MEGF6: variants seen among roughly 807,000 people sequenced by gnomAD.
MEGF6 encodes the protein multiple epidermal growth factor-like domains protein 6.
In MEGF6, 184 loss-of-function variants were observed where a neutral mutation model predicts 207.1. The observed-to-expected ratio is 0.89, with a 90% CI of 0.79 to 1.00. The LOEUF (loss-of-function observed/expected upper bound fraction) is 1.00, where lower values mean the gene tolerates loss of function less well. Ranked by LOEUF, MEGF6 falls within the 50% of genes least tolerant of loss-of-function variation. The pLI is 0.00. For synonymous variants in MEGF6, 1,038 were observed against 910.0 expected, an observed-to-expected ratio of 1.14 and a Z score of -2.53; for missense variants, 2,282 against 2,202.9, an observed-to-expected ratio of 1.04 and a Z score of -0.72.
At chr1:3,557,187 C>T (rs557458728) in intron 4 of MEGF6, among the ~76,000 whole-genome samples, 37 of 152,292 alleles carry the variant, frequency 2.4e-4, no homozygotes, top group African/African-American at 8.7e-4. Flanking sequence ...AGGGACCAGC[C>T]CTGACAAGAC....
Position 3,499,584 on chromosome 1 carries a change from G to C in MEGF6, c.2965+4C>G, listed in dbSNP as rs780283453. 2 of 1,574,434 alleles carry C rather than the reference G, an allele frequency of 1.3e-6. No homozygotes were observed. The highest frequency in any genetic ancestry group is 1.7e-6 in the Non-Finnish European group (2 of 1,162,000). ...ACCCCGGGCTGAGCAGGGACCTCAC[G>C]CACTCTCGGCACAGCGGGGGCCCCG... On this transcript the variant is annotated splice_donor_region_variant and intron_variant, in intron 23 of 36. Coordinates refer to ENST00000356575, the MANE Select transcript of MEGF6 (RefSeq NM_001409.4).
chr1:3,491,033 G>C, intron 35 of MEGF6, 74 bp from the exon 36 acceptor site: 1 of 1,399,626 alleles, frequency 7.1e-7, no homozygotes, highest in Non-Finnish European at 9.5e-7. Context: ...AGCAAGGCGT[G>C]ACCCCATCCA....
Position 3,501,900 on chromosome 1 carries a change from C to T in MEGF6, c.2210G>A (p.Gly737Asp), listed in dbSNP as rs771423924. 1 of 1,610,204 alleles carries T rather than the reference C, an allele frequency of 6.2e-7. No individual in the cohort carries two copies. Among genetic ancestry groups the T allele is most frequent in the Admixed American group, 1.7e-5 (1 of 59,414 alleles). ...GGAGCAGGAGCTCGAGCAGTTCACG[C>T]CAAACGTCCCCACCGGGCACTCTGC... ...CGQECPVGTF[G>D]VNCSSSCSCG... Residue 737 changes from glycine to aspartate, a missense_variant, in exon 18 of 37, where the codon GGC becomes GAC. Physicochemically the swap from Gly to Asp is moderately conservative, Grantham distance 94. Transcript: ENST00000356575.
chr1:3,500,504 C>A, intron 21 of MEGF6, 129 bp downstream of exon 21: 1 of 1,348,648 alleles, frequency 7.4e-7, no homozygotes, highest in Non-Finnish European at 9.8e-7. Context: ...GGAGGGGGCG[C>A]GGCCAAAGGC....
At chr1:3,555,407 G>T (rs1643004144) in intron 4 of MEGF6, among the ~76,000 whole-genome samples, 2 of 152,188 alleles carry the variant, frequency 1.3e-5, no homozygotes, top group African/African-American at 4.8e-5. Flanking sequence ...AAGCCGCTCT[G>T]GGCCTCCACC....
intron 3 of MEGF6, among the ~76,000 whole-genome samples, chr1:3,581,402 A>T (rs1643794121): frequency 6.6e-6 from 1 of 152,136 alleles, no homozygotes; most frequent in African/African-American, 2.4e-5. Context: ...CAGCCTGAGG[A>T]TGTGTCCGAA....
intron 4 of MEGF6, among the ~76,000 whole-genome samples, chr1:3,532,562 G>A (rs562929447): frequency 6.6e-6 from 1 of 152,332 alleles, no homozygotes; most frequent in South Asian, 2.1e-4. Flanking sequence ...ATCTCCCTCC[G>A]AAATGCAGTG....
upstream of MEGF6, among the ~76,000 whole-genome samples, chr1:3,612,374 A>C (rs754901758): frequency 2.1e-4 from 32 of 151,274 alleles, no homozygotes; most frequent in Non-Finnish European, 3.5e-4. Flanking sequence ...GGCTTCTGCG[A>C]AGCAAGATTC....
In MEGF6 at chr1:3,501,883, A is replaced by G. The variant is rs745812024; in HGVS notation, c.2227T>C (p.Ser743Pro). 6.2e-7 allele frequency: 1 copy of G among 1,608,690 alleles called. No individual in the cohort carries two copies. The highest frequency in any genetic ancestry group is 1.1e-5 in the South Asian group (1 of 90,786). ...CAGGGGGCCCCCCCACAGGAGCAGG[A>G]GCTCGAGCAGTTCACGCCAAACGTC... is the stretch of plus-strand genomic sequence containing the variant. ...VGTFGVNCSS[S>P]CSCGGAPCHG... The change falls in exon 18 of 37, where the codon TCC (serine) becomes CCC (proline). Residue 743 changes from serine (S) to proline (P), a missense_variant. By Grantham distance (74) the Ser-to-Pro change is moderately conservative. Coordinates refer to ENST00000356575, the MANE Select transcript of MEGF6 (RefSeq NM_001409.4).
At chr1:3,490,717 G>C in intron 36 of MEGF6, 128 bp from the exon 37 acceptor site, 2 of 1,140,814 alleles carry the variant, frequency 1.8e-6, no homozygotes, top group Non-Finnish European at 2.5e-6. Context: ...GGTGGGTGGG[G>C]CCCACCCATC....
At chr1:3,531,036 C>A in intron 4 of MEGF6, 5 of 1,440,596 alleles carry the variant, frequency 3.5e-6, no homozygotes, top group Non-Finnish European at 4.5e-6. Flanking sequence ...CGCCGGGGAG[C>A]GCCCTGGCCC....
intron 25 of MEGF6, 49 bp from the exon 26 acceptor site, chr1:3,498,548 C>T: frequency 4.0e-6 from 6 of 1,515,052 alleles, no homozygotes; most frequent in Non-Finnish European, 5.3e-6. Context: ...CCTCCTGGGC[C>T]CAGGAGACCC....
Position 3,512,135 on chromosome 1 carries a change from G to A in MEGF6, c.854-7C>T. The A allele has an allele frequency of 6.3e-7, 1 of 1,598,442 alleles. No individual in the cohort carries two copies. The highest frequency in any genetic ancestry group is 8.6e-7 in the Non-Finnish European group (1 of 1,169,496). On this transcript the variant is annotated splice_polypyrimidine_tract_variant and splice_region_variant and intron_variant, in intron 7 of 36. Coordinates refer to ENST00000356575, the MANE Select transcript of MEGF6 (RefSeq NM_001409.4). ...GCGGCACATTCGTCCACATCTGGAG[G>A]GGAGAGACCACAGGGAGGGCTCAGA...
In MEGF6 at chr1:3,609,074, C is replaced by T. The variant is rs570016224; in HGVS notation, c.131+2064G>A. 2.0e-5 allele frequency among the ~76,000 whole-genome samples: 3 copies of T among 152,260 alleles called. No individual in the cohort carries two copies. In the South Asian group the frequency reaches 6.2e-4, roughly 32 times the overall value. On this transcript the variant is annotated intron_variant, in intron 1 of 36. Coordinates refer to ENST00000356575, the MANE Select transcript of MEGF6 (RefSeq NM_001409.4). ...CTCAGCCAGCGGGGGTGCCGCTGCC[C>T]CGTGCCAAGCCCTGCCTGCTCATCA...
rs56851590 is a variant in MEGF6 at position 3,560,019 on chromosome 1, GAA to G, written c.481+19804_481+19805del. ...TATGAGAGTCCGTCTCAAAATAAAA[GAA>G]AAAAAAAAAAAAAAAGGAAACACGA... is the stretch of plus-strand genomic sequence containing the variant. On this transcript the variant is annotated intron_variant, in intron 4 of 36. Coordinates refer to ENST00000356575, the MANE Select transcript of MEGF6 (RefSeq NM_001409.4). This position sits in a 1 kb window ranked among gnomAD's most constrained non-coding sequence, Gnocchi z 4.0. Among the ~76,000 whole-genome samples, 4,495 of 97,444 alleles carry G rather than the reference GAA, an allele frequency of 0.046. 82 individuals are homozygous for G. The highest frequency in any genetic ancestry group is 0.07 in the South Asian group (203 of 2,908). 63.9% of individuals were successfully genotyped at this position (97,444 alleles called of 152,430 possible).
intron 18 of MEGF6, among the ~76,000 whole-genome samples, 180 bp from the exon 19 acceptor site, chr1:3,501,488 C>A (rs912170152): frequency 6.6e-6 from 1 of 152,008 alleles, no homozygotes; most frequent in Admixed American, 6.5e-5. Flanking sequence ...CTGCGGGGTG[C>A]GCACCCACAG....
intron 6 of MEGF6, among the ~76,000 whole-genome samples, chr1:3,514,966 G>T (rs758039311): frequency 6.6e-6 from 1 of 152,202 alleles, no homozygotes; most frequent in Non-Finnish European, 1.5e-5. Flanking sequence ...CCAAGGCGGC[G>T]GCCCCCCAGC....
At position 3,542,470 on chromosome 1, in the gene MEGF6, G is replaced by A. The variant is rs534976112; in HGVS notation, c.482-18224C>T. 3.9e-5 allele frequency among the ~76,000 whole-genome samples: 6 copies of A among 152,182 alleles called. No individual in the cohort carries two copies. The East Asian group carries it at 9.7e-4, about 25-fold the overall frequency. ...CCCCAGGCCTGGATGTAGGGTCCTG[G>A]CCGCCCCCCACTCAGCCTGATGTGG... is the stretch of plus-strand genomic sequence containing the variant. On this transcript the variant is annotated intron_variant, in intron 4 of 36. Coordinates refer to ENST00000356575, the MANE Select transcript of MEGF6 (RefSeq NM_001409.4).
At chr1:3,595,975 G>A (rs111302158) in intron 2 of MEGF6, among the ~76,000 whole-genome samples, 1,616 of 152,180 alleles carry the variant, frequency 0.011, 22 homozygotes, top group African/African-American at 0.035. Context: ...TGAAGCAGAC[G>A]GCCCCAGTAG....
Sources: allele counts gnomAD v4.1 joint callset (sites outside exome capture counted in the v4.1 genomes callset), GRCh38; gene constraint gnomAD v4.1.1; non-coding constraint Gnocchi (gnomAD v3.1); transcripts MANE v1.5; gene names NCBI Gene and HGNC (gene_info 2026-07-23, HGNC 2026-07-21).